CALN1: variants seen among roughly 807,000 people sequenced by gnomAD.
CALN1 encodes calcium-binding protein 8.
In CALN1, 17 loss-of-function variants were observed where a neutral mutation model predicts 30.6. That is an observed-to-expected ratio of 0.56 (90% confidence interval 0.38 to 0.83). CALN1 has a LOEUF of 0.83. CALN1 is among the 40% of genes least tolerant of loss of function. The probability of loss-of-function intolerance (pLI) is 0.00; values close to 1 mark genes in which losing one functional copy is unlikely to be tolerated. For synonymous variants in CALN1, 156 were observed against 131.4 expected, an observed-to-expected ratio of 1.19 and a Z score of -1.28; for missense variants, 291 against 354.9, an observed-to-expected ratio of 0.82 and a Z score of 1.45.
intron 4 of CALN1, among the ~76,000 whole-genome samples, chr7:72,026,695 C>T (rs1017807271): frequency 2.0e-5 from 3 of 152,036 alleles, no homozygotes; most frequent in Non-Finnish European, 2.9e-5. Flanking sequence ...GGATTACAGG[C>T]ATGAGCCACC....
intron 4 of CALN1, among the ~76,000 whole-genome samples, chr7:72,101,698 C>T (rs555270870): frequency 2.6e-5 from 4 of 152,212 alleles, no homozygotes; most frequent in Non-Finnish European, 4.4e-5. Context: ...TAAAACCACG[C>T]TCTTGCAACT....
intron 2 of CALN1, among the ~76,000 whole-genome samples, chr7:72,288,752 TATTGG>T (rs1423010030): frequency 3.3e-5 from 5 of 152,230 alleles, no homozygotes; most frequent in African/African-American, 9.6e-5. Context: ...CATCTTTATG[TATTGG>T]ATTGTTTATG....
intron 1 of CALN1, among the ~76,000 whole-genome samples, chr7:72,427,801 A>G (rs1417905956): frequency 6.6e-6 from 1 of 151,990 alleles, no homozygotes; most frequent in Non-Finnish European, 1.5e-5. Context: ...CTTTTAAATG[A>G]GCAAAAACAG....
At chr7:72,397,490 A>C (rs111769790) in intron 2 of CALN1, among the ~76,000 whole-genome samples, 10 of 152,284 alleles carry the variant, frequency 6.6e-5, no homozygotes, top group Admixed American at 4.6e-4. Flanking sequence ...TGCAGCAGAT[A>C]TAAGAATGAA....
At chr7:72,337,163 C>G (rs1802120234) in intron 2 of CALN1, 1 of 985,274 alleles carries the variant, frequency 1.0e-6, no homozygotes, top group Admixed American at 6.1e-5. Context: ...CTAGAAACTC[C>G]ATGCAGCTCC....
At chr7:72,083,205 A>T (rs1477466394) in intron 4 of CALN1, among the ~76,000 whole-genome samples, 1 of 151,998 alleles carries the variant, frequency 6.6e-6, no homozygotes, top group African/African-American at 2.4e-5. Flanking sequence ...TGTCTCAAAA[A>T]AAGATGCAAG....
At chr7:72,188,664 G>C (rs951951205) in intron 3 of CALN1, among the ~76,000 whole-genome samples, 2 of 151,952 alleles carry the variant, frequency 1.3e-5, no homozygotes, top group Non-Finnish European at 2.9e-5. Flanking sequence ...ACTTACTCAC[G>C]TAACCAAATA....
chr7:72,377,068 G>A lies in CALN1; in HGVS notation c.119+26183C>T, dbSNP rs1228747810. 2.0e-5 allele frequency among the ~76,000 whole-genome samples: 3 copies of A among 152,246 alleles called. No individual in the cohort carries two copies. The East Asian group carries it at 5.8e-4, about 29-fold the overall frequency. On this transcript the variant is annotated intron_variant, in intron 2 of 6. Transcript: ENST00000395275. ...CATATATTTTTATACTTATGCCAGT[G>A]CCACACTGTTTTGACTACTGTAGCC...
At chr7:72,451,766 A>G (rs1808672612), upstream of CALN1, among the ~76,000 whole-genome samples, 1 of 152,112 alleles carries the variant, frequency 6.6e-6, no homozygotes, top group Admixed American at 6.6e-5. Flanking sequence ...TCCTTGTGTT[A>G]TGTATTTGTC....
intron 4 of CALN1, among the ~76,000 whole-genome samples, chr7:72,024,904 C>A (rs376833084): frequency 9.2e-4 from 140 of 152,312 alleles, no homozygotes; most frequent in African/African-American, 3.2e-3. Context: ...TAAGACGGAG[C>A]TGAAATGTCA....
intron 4 of CALN1, among the ~76,000 whole-genome samples, chr7:72,086,130 G>C (rs116170856): frequency 0.022 from 3,290 of 152,226 alleles, 109 homozygotes; most frequent in African/African-American, 0.075. Flanking sequence ...AAATCCAAAA[G>C]AAATCAGTGA....
intron 3 of CALN1, among the ~76,000 whole-genome samples, chr7:72,236,500 CT>C (rs1485756143): frequency 2.0e-5 from 3 of 152,180 alleles, no homozygotes; most frequent in Non-Finnish European, 4.4e-5. Context: ...TGAGAAAAAC[CT>C]GCCCATAGAG....
intron 4 of CALN1, among the ~76,000 whole-genome samples, chr7:72,089,523 T>C (rs901516452): frequency 2.0e-5 from 3 of 152,116 alleles, no homozygotes; most frequent in Admixed American, 6.6e-5. Flanking sequence ...ATCACACATA[T>C]TGGGTAAAAG....
At chr7:72,422,262 T>C (rs1393122786) in intron 1 of CALN1, among the ~76,000 whole-genome samples, 1 of 152,208 alleles carries the variant, frequency 6.6e-6, no homozygotes, top group Non-Finnish European at 1.5e-5. Context: ...TGTAGAAGTG[T>C]TTCATTTTCA....
intron 3 of CALN1, among the ~76,000 whole-genome samples, chr7:72,117,612 T>C (rs954189381): frequency 5.9e-5 from 9 of 152,064 alleles, no homozygotes; most frequent in African/African-American, 2.2e-4. Flanking sequence ...CTGGGGTCTG[T>C]TCAGTTGGCT....
intron 5 of CALN1, among the ~76,000 whole-genome samples, chr7:71,915,841 G>GA (rs1478536598): frequency 6.6e-6 from 1 of 152,104 alleles, no homozygotes; most frequent in East Asian, 1.9e-4. Flanking sequence ...AATTTCTTGA[G>GA]AAAGAAAACC....
At chr7:71,946,367 CTT>C (rs34207419) in intron 5 of CALN1, among the ~76,000 whole-genome samples, 141 of 128,622 alleles carry the variant, frequency 1.1e-3, no homozygotes, top group East Asian at 2.9e-3. Context: ...TTCTTTCTTT[CTT>C]TTTTTTTTTT....
intron 3 of CALN1, among the ~76,000 whole-genome samples, chr7:72,145,225 A>C (rs1786609335): frequency 6.6e-6 from 1 of 152,176 alleles, no homozygotes; most frequent in African/African-American, 2.4e-5. Context: ...GATTGCTAGC[A>C]AGACTAATAA....
intron 4 of CALN1, among the ~76,000 whole-genome samples, chr7:72,074,839 A>G (rs575393660): frequency 2.1e-4 from 32 of 152,376 alleles, no homozygotes; most frequent in African/African-American, 7.5e-4. Flanking sequence ...TGTGTAGGAC[A>G]TTTAGGCTGG....
Sources: allele counts gnomAD v4.1 joint callset (sites outside exome capture counted in the v4.1 genomes callset), GRCh38; gene constraint gnomAD v4.1.1; transcripts MANE v1.5; gene names NCBI Gene and HGNC (gene_info 2026-07-23, HGNC 2026-07-21).